The following DYRK1B variants were observed in gnomAD, a reference collection of about 807,000 sequenced individuals.
The protein encoded by DYRK1B is dual specificity tyrosine phosphorylation regulated kinase 1B.
Under a neutral mutation model 57.1 loss-of-function variants are expected in DYRK1B, and 20 were observed. That is an observed-to-expected ratio of 0.35 (90% confidence interval 0.25 to 0.51). DYRK1B has a LOEUF of 0.51. Among genes scored for constraint, DYRK1B ranks in the 20% least tolerant of loss-of-function variants. The probability of loss-of-function intolerance (pLI) is 0.96; values close to 1 mark genes in which losing one functional copy is unlikely to be tolerated. For synonymous variants in DYRK1B, 409 were observed against 384.7 expected (o/e 1.06, Z -0.74); for missense variants, 732 against 886.3 (o/e 0.83, Z 2.21).
Position 39,826,386 on chromosome 19 carries a change from T to G in DYRK1B, c.1412-100A>C. ...GGGAAGGTCACGGCCCAGGCTCAGG[T>G]TCAGGCTTCAAGAGCAGAGCCCATC... On this transcript the variant is annotated intron_variant, in intron 9 of 10. Coordinates refer to ENST00000323039, the MANE Select transcript of DYRK1B (RefSeq NM_004714.3). The surrounding 1 kb of genome is among the most constrained non-coding windows in gnomAD (Gnocchi z 6.3). The G allele has an allele frequency of 9.8e-7, 1 of 1,023,430 alleles. No individual in the cohort carries two copies. The highest frequency in any genetic ancestry group is 2.8e-5 in the East Asian group (1 of 36,214). The allele number at this position is 1,023,430 out of a possible 1,614,324, so 63.4% of individuals were successfully genotyped here. A position where few individuals can be genotyped will look rare whatever the true frequency, so the allele number is the denominator to read the frequency against.
In DYRK1B at chr19:39,829,880, C is replaced by G; in HGVS notation, c.520G>C (p.Val174Leu). Reference sequence around the variant, plus strand: ...CAGCCCTGCCAGTCCCAGGCCTCACCTATATAGTACTTCATCTCCGTGTCA... The same window carrying G: ...CAGCCCTGCCAGTCCCAGGCCTCACGTATATAGTACTTCATCTCCGTGTCA... The part of the protein sequence containing the change: ...QHDTEMKYYI[V>L]HLKRHFMFRN... The change falls in exon 5 of 11, where the codon GTA becomes CTA. Residue 174 changes from valine to leucine, a missense_variant and splice_region_variant. By Grantham distance (32) the Val-to-Leu change is conservative. Transcript: ENST00000323039. 1 of 1,613,270 alleles carries G rather than the reference C, an allele frequency of 6.2e-7. No homozygotes were observed.
In DYRK1B at chr19:39,831,825, C is replaced by T; in HGVS notation, c.43G>A (p.Gly15Arg). Residue 15 changes from glycine to arginine, a missense_variant, in exon 2 of 11, where the codon GGG (glycine) becomes AGG (arginine). Gly to Arg is a moderately radical substitution (Grantham distance 125). Coordinates refer to ENST00000323039, the MANE Select transcript of DYRK1B (RefSeq NM_004714.3). Reference protein sequence around the residue: ...PGHGPFSGFPGPQEHTQVLPD... With the variant: ...PGHGPFSGFPRPQEHTQVLPD... ...CGTACCTGCGTGTGCTCCTGGGGCCCTGGGAAGCCAGAGAAGGGACCATGG... is the reference window on the plus strand; with the variant it reads ...CGTACCTGCGTGTGCTCCTGGGGCCTTGGGAAGCCAGAGAAGGGACCATGG... 1 of 1,544,366 alleles carries T rather than the reference C, an allele frequency of 6.5e-7. No homozygotes were observed. The highest frequency in any genetic ancestry group is 8.7e-7 in the Non-Finnish European group (1 of 1,144,124).
At position 39,830,409 on chromosome 19, in the gene DYRK1B, A is replaced by G; in HGVS notation, c.338T>C (p.Ile113Thr). ...SGERWLERYE[I>T]DSLIGKGSFG... ...GGAGCCTTTGCCAATGAGCGAGTCAATTTCGTAGCGCTCCAGCCAGCGCTC... is the reference window on the plus strand; with the variant it reads ...GGAGCCTTTGCCAATGAGCGAGTCAGTTTCGTAGCGCTCCAGCCAGCGCTC... The change falls in exon 4 of 11, where the codon ATT (isoleucine) becomes ACT (threonine). Residue 113 changes from isoleucine to threonine, a missense_variant. Coordinates refer to ENST00000323039, the MANE Select transcript of DYRK1B (RefSeq NM_004714.3). 15 of 1,614,064 alleles carry G rather than the reference A, an allele frequency of 9.3e-6. No homozygotes were observed. The highest frequency in any genetic ancestry group is 1.3e-5 in the Non-Finnish European group (15 of 1,180,014).
intron 1 of DYRK1B, chr19:39,833,457 C>T (rs183828952): frequency 1.8e-6 from 1 of 566,934 alleles, no homozygotes; most frequent in Non-Finnish European, 2.2e-6. Context: ...GCAGCCGCCA[C>T]TGCCACCGGG....
intron 1 of DYRK1B, chr19:39,832,949 A>C (rs894108231): frequency 2.6e-5 from 26 of 983,960 alleles, no homozygotes; most frequent in South Asian, 4.7e-5. Context: ...ACACACACAC[A>C]CCCTAATATT....
rs1041331765 is a variant in DYRK1B, at chr19:39,828,238, C to T, written c.807+59G>A. 43 of 1,574,104 alleles carry T rather than the reference C, an allele frequency of 2.7e-5. No individual in the cohort carries two copies. The highest frequency in any genetic ancestry group is 9.3e-5 in the South Asian group (8 of 85,856). On this transcript the variant is annotated intron_variant, in intron 6 of 10. Transcript: ENST00000323039. The surrounding 1 kb of genome is among the most constrained non-coding windows in gnomAD (Gnocchi z 4.3). ...AGCCAAGCCCCGCCCCTAAGCCTCC[C>T]GTTGGCTCTGCCCCACCCAAACTAC...
rs944508354 is a variant in DYRK1B at position 39,827,172 on chromosome 19, A to G, written c.1095+113T>C. ...CAGGGGAGGAAGGAAAGGACAGACA[A>G]GGGGGAGTGGAAGGAAGGGAAAGAC... On this transcript the variant is annotated intron_variant, in intron 8 of 10. Transcript: ENST00000323039. 9 of 1,379,094 alleles carry G rather than the reference A, an allele frequency of 6.5e-6. No homozygotes were observed. In the African/African-American group the frequency reaches 1.0e-4, roughly 16 times the overall value. 85.4% of individuals were successfully genotyped at this position (1,379,094 alleles called of 1,614,324 possible).
chr19:39,825,951 G>A lies in DYRK1B; in HGVS notation c.1654C>T (p.Pro552Ser), dbSNP rs1427391662. The change falls in exon 11 of 11, where the codon CCC becomes TCC. Residue 552 changes from proline to serine, a missense_variant. By Grantham distance (74) the Pro-to-Ser change is moderately conservative. Around this residue, in one of 2 missense-constraint regions of DYRK1B, gnomAD observed 222 missense variants for 205.0 expected, o/e 1.08. Transcript: ENST00000323039. ...GGTGGTGGTGAGGTTGGTGATGGGG[G>A]ACGACCAAGGTATCGGGGCTGGGGG... ...LPPQPRYLGR[P>S]PSPTSPPPPE... The A allele has an allele frequency of 4.6e-6, 7 of 1,530,112 alleles. No homozygotes were observed. Among genetic ancestry groups the A allele is most frequent in the Non-Finnish European group, 6.1e-6 (7 of 1,141,922 alleles). The allele number at this position is 1,530,112 out of a possible 1,614,324, so 94.8% of individuals were successfully genotyped here. A position where few individuals can be genotyped will look rare whatever the true frequency, so the allele number is the denominator to read the frequency against.
intron 1 of DYRK1B, chr19:39,833,204 A>G: frequency 1.0e-6 from 1 of 985,442 alleles, no homozygotes; most frequent in African/African-American, 1.7e-5. Flanking sequence ...TTCCCCCAAA[A>G]AACCACCTCT....
In DYRK1B at chr19:39,826,668, C is replaced by T; in HGVS notation, c.1411+4G>A. 6.3e-7 allele frequency: 1 copy of T among 1,595,998 alleles called. No homozygotes were observed. The highest frequency in any genetic ancestry group is 8.5e-7 in the Non-Finnish European group (1 of 1,172,800). ...GTACCCCATTTGGGCACCTGGGCAC[C>T]CACCAGAACTGGAGATGGAGCTGGC... On this transcript the variant is annotated splice_donor_region_variant and intron_variant, in intron 9 of 10. Coordinates refer to ENST00000323039, the MANE Select transcript of DYRK1B (RefSeq NM_004714.3). This position sits in a 1 kb window ranked among gnomAD's most constrained non-coding sequence, Gnocchi z 6.3.
At position 39,830,755 on chromosome 19, in the gene DYRK1B, C is replaced by T. The variant is rs1008052704; in HGVS notation, c.92G>A (p.Arg31Gln). The change falls in exon 3 of 11, where the codon CGG becomes CAG. Residue 31 changes from arginine (R) to glutamine (Q), a missense_variant. Physicochemically the swap from Arg to Gln is conservative, Grantham distance 43. Transcript: ENST00000323039. ...ATCCCGGAAGGCCAGGGGCAGCCTC[C>T]GAGGCAGTAGCCGCACATCAGGCAA... Reference protein sequence around the residue: ...QVLPDVRLLPRRLPLAFRDAT... With the variant: ...QVLPDVRLLPQRLPLAFRDAT... 5.6e-6 allele frequency: 9 copies of T among 1,613,750 alleles called. No individual in the cohort carries two copies. The East Asian group carries it at 6.7e-5, about 12-fold the overall frequency.
chr19:39,827,693 C>T, intron 6 of DYRK1B, 37 bp from the exon 7 acceptor site: 2 of 1,598,064 alleles, frequency 1.3e-6, no homozygotes, highest in Non-Finnish European at 1.7e-6. Context: ...CCCAGCCTCC[C>T]CTACTGGTCC....
Position 39,825,848 on chromosome 19 carries a change from T to C in DYRK1B, c.1757A>G (p.His586Arg). Reference protein sequence around the residue: ...SPPHPAPAPQHPAASALRTRM... With the variant: ...SPPHPAPAPQRPAASALRTRM... ...AGTCCGGAGGGCTGAGGCAGCCGGG[T>C]GCTGGGGGGCAGGCGCTGGGTGAGG... is the stretch of plus-strand genomic sequence containing the variant. Residue 586 changes from histidine (H) to arginine (R), a missense_variant, in exon 11 of 11, where the codon CAC becomes CGC. Physicochemically the swap from His to Arg is conservative, Grantham distance 29. Around this residue, in one of 2 missense-constraint regions of DYRK1B, gnomAD observed 222 missense variants for 205.0 expected, o/e 1.08. Coordinates refer to ENST00000323039, the MANE Select transcript of DYRK1B (RefSeq NM_004714.3). 1.2e-6 allele frequency: 2 copies of C among 1,607,918 alleles called. No homozygotes were observed. The highest frequency in any genetic ancestry group is 1.7e-6 in the Non-Finnish European group (2 of 1,177,834).
At position 39,826,816 on chromosome 19, in the gene DYRK1B, GGGGGC is replaced by G; in HGVS notation, c.1262_1266del (p.Ser421ThrfsTer57). 1 of 1,512,454 alleles carries G rather than the reference GGGGGC, an allele frequency of 6.6e-7. No homozygotes were observed. Among genetic ancestry groups the G allele is most frequent in the Non-Finnish European group, 8.8e-7 (1 of 1,132,220 alleles). 93.7% of individuals were successfully genotyped at this position (1,512,454 alleles called of 1,614,324 possible). ...AAGAAGCCGTGCTGCAGAGCCCCCA[GGGGGC>G]TGATGCGGGCGGCGGGCTCATACTC... On this transcript the variant is annotated frameshift_variant, in exon 9 of 11. Transcript: ENST00000323039. LOFTEE classifies it high-confidence loss of function. The surrounding 1 kb of genome is among the most constrained non-coding windows in gnomAD (Gnocchi z 6.3).
Position 39,828,324 on chromosome 19 carries a change from G to A in DYRK1B, c.780C>T (p.Phe260=), listed in dbSNP as rs373276735. Residue 260 remains phenylalanine (F), a synonymous_variant, in exon 6 of 11, where the codon TTC becomes TTT. Coordinates refer to ENST00000323039, the MANE Select transcript of DYRK1B (RefSeq NM_004714.3). The surrounding 1 kb of genome is among the most constrained non-coding windows in gnomAD (Gnocchi z 4.3). The part of the protein sequence containing the change: ...PKRSAIKIVD[F]GSSCQLGQRI... ...TCTGGCCAAGCTGGCAGGAGCTGCC[G>A]AAGTCCACAATCTTGATGGCGCTGC... 16 of 1,614,024 alleles carry A rather than the reference G, an allele frequency of 9.9e-6. No homozygotes were observed. The highest frequency in any genetic ancestry group is 1.6e-4 in the Middle Eastern group (1 of 6,074).
Position 39,827,288 on chromosome 19 carries a change from C to T in DYRK1B, c.1092G>A (p.Arg364=), listed in dbSNP as rs1968587183. The T allele has an allele frequency of 6.2e-7, 1 of 1,610,464 alleles. No homozygotes were observed. Among genetic ancestry groups the T allele is most frequent in the South Asian group, 1.1e-5 (1 of 90,872 alleles). The change falls in exon 8 of 11, where the codon AGG becomes AGA. Residue 364 remains arginine, a synonymous_variant. Coordinates refer to ENST00000323039, the MANE Select transcript of DYRK1B (RefSeq NM_004714.3). ...GWTLRRTKEL[R]KDYQGPGTRR... ...TGGCATGGGGCAGGGGCCGCACCTT[C>T]CTGAGTTCTTTCGTCCTTCGTAGGG...
intron 5 of DYRK1B, 183 bp downstream of exon 5, chr19:39,829,697 A>T: frequency 1.4e-6 from 1 of 705,554 alleles, no homozygotes; most frequent in Non-Finnish European, 2.2e-6. Flanking sequence ...ACCATTACCA[A>T]GAAAATAGGA....
In DYRK1B at chr19:39,831,850, G is replaced by C. The variant is rs1968829896; in HGVS notation, c.18C>G (p.Gly6=). The C allele has an allele frequency of 6.5e-7, 1 of 1,528,382 alleles. No individual in the cohort carries two copies. The highest frequency in any genetic ancestry group is 8.8e-7 in the Non-Finnish European group (1 of 1,135,164). The allele number at this position is 1,528,382 out of a possible 1,614,324, so 94.7% of individuals were successfully genotyped here. Residue 6 remains glycine, a synonymous_variant, in exon 2 of 11, where the codon GGC becomes GGG. Coordinates refer to ENST00000323039, the MANE Select transcript of DYRK1B (RefSeq NM_004714.3). MAVPP[G]HGPFSGFPGP... is the part of the protein sequence containing the mutation. ...CTGGGAAGCCAGAGAAGGGACCATGGCCCGGTGGGACGGCCATGGTGGGCT... is the reference window on the plus strand; with the variant it reads ...CTGGGAAGCCAGAGAAGGGACCATGCCCCGGTGGGACGGCCATGGTGGGCT...
At chr19:39,833,011 C>T in intron 1 of DYRK1B, 1 of 985,332 alleles carries the variant, frequency 1.0e-6, no homozygotes, top group South Asian at 4.7e-5. Context: ...GGTCATTCCA[C>T]AACTGTGTCC....
Sources: allele counts gnomAD v4.1 joint callset, GRCh38; gene constraint gnomAD v4.1.1; regional missense constraint gnomAD v4.1.1; non-coding constraint Gnocchi (gnomAD v3.1); transcripts MANE v1.5; gene names NCBI Gene and HGNC (gene_info 2026-07-23, HGNC 2026-07-21).